The following PTGR2 variants were observed in gnomAD, a reference collection of about 807,000 sequenced individuals.
The protein encoded by PTGR2 is prostaglandin reductase 2, also known as 15-oxoprostaglandin 13-reductase.
In PTGR2, 32 loss-of-function variants were observed where a neutral mutation model predicts 43.4. The observed-to-expected ratio is 0.74, with a 90% CI of 0.56 to 0.99. The LOEUF (loss-of-function observed/expected upper bound fraction) is 0.99. PTGR2 is among the 50% of genes least tolerant of loss of function. PTGR2 has a pLI of 0.00. For missense variants in PTGR2, 373 were observed against 420.0 expected (o/e 0.89, Z 0.98); for synonymous variants, 106 against 139.2 (o/e 0.76, Z 1.68).
intron 3 of PTGR2, among the ~76,000 whole-genome samples, chr14:73,866,361 TCTC>T (rs140362370): frequency 0.033 from 4,962 of 151,982 alleles, 160 homozygotes; most frequent in African/African-American, 0.083. Flanking sequence ...ATGGTCTTGA[TCTC>T]CTAACCTTGT....
intron 3 of PTGR2, among the ~76,000 whole-genome samples, chr14:73,862,464 C>T (rs1347141488): frequency 6.6e-6 from 1 of 152,142 alleles, no homozygotes; most frequent in Non-Finnish European, 1.5e-5. Context: ...GCCTCGGCCT[C>T]CCAAAGTGCT....
intron 3 of PTGR2, among the ~76,000 whole-genome samples, chr14:73,870,007 A>G (rs2054689208): frequency 9.0e-6 from 1 of 111,706 alleles, no homozygotes. Flanking sequence ...CTCCAGCTTG[A>G]GTGACAGAGA....
At chr14:73,866,262 C>T (rs912252452) in intron 3 of PTGR2, among the ~76,000 whole-genome samples, 8 of 152,204 alleles carry the variant, frequency 5.3e-5, no homozygotes, top group East Asian at 1.9e-4. Context: ...CCTCGGCCTC[C>T]GAAAGTGCTG....
chr14:73,870,247 T>C (rs1968104), intron 3 of PTGR2, among the ~76,000 whole-genome samples: 94,264 of 148,760 alleles, frequency 0.63, 30,261 homozygotes, highest in South Asian at 0.72. Context: ...GGCACAATCT[T>C]GGCTTACTGC....
At chr14:73,852,898 T>C (rs960281654) in intron 1 of PTGR2, among the ~76,000 whole-genome samples, 2 of 152,204 alleles carry the variant, frequency 1.3e-5, no homozygotes, top group South Asian at 2.1e-4. Context: ...GGATCTCGGC[T>C]CACTGCAGCC....
chr14:73,855,949 G>C (rs1157427657), intron 1 of PTGR2, among the ~76,000 whole-genome samples: 1 of 151,170 alleles, frequency 6.6e-6, no homozygotes, highest in Non-Finnish European at 1.5e-5. Flanking sequence ...CCAGCTACTT[G>C]GGAGGCTGAG....
chr14:73,862,023 G>A (rs917867130), intron 3 of PTGR2, among the ~76,000 whole-genome samples: 1 of 150,962 alleles, frequency 6.6e-6, no homozygotes, highest in South Asian at 2.1e-4. Context: ...GATTGCAGTC[G>A]TACACCACCA....
At position 73,874,537 on chromosome 14, in the gene PTGR2, G is replaced by T. The variant is rs920893306; in HGVS notation, c.348+323G>T. The T allele has an allele frequency of 6.3e-6, 3 of 472,558 alleles. No homozygotes were observed. In the Admixed American group the frequency reaches 7.0e-5, roughly 11 times the overall value. The allele number at this position is 472,558 out of a possible 1,614,324, so 29.3% of individuals were successfully genotyped here. The stretch of plus-strand genomic sequence containing the variant: ...GGAGACTCAAAGGAGGGACCAGATG[G>T]TTGAAGGTGTTCTTTATTTGTTTCT... On this transcript the variant is annotated intron_variant, in intron 4 of 9. Coordinates refer to ENST00000555661, the MANE Select transcript of PTGR2 (RefSeq NM_001146154.2).
chr14:73,867,088 C>CAAAAAAAAAAAAA (rs200945001), intron 3 of PTGR2, among the ~76,000 whole-genome samples: 1 of 100,092 alleles, frequency 1.0e-5, no homozygotes, highest in Non-Finnish European at 1.9e-5. Context: ...GACTCTGTCT[C>CAAAAAAAAAAAAA]AAAAAAAAAA....
At chr14:73,883,187 CCTTTTT>C (rs2055039101) in intron 9 of PTGR2, among the ~76,000 whole-genome samples, 1 of 84,356 alleles carries the variant, frequency 1.2e-5, no homozygotes, top group South Asian at 6.0e-4. Context: ...CCCTCACCTC[CCTTTTT>C]TTTTTTTTTT....
chr14:73,881,650 C>A (rs2054989913), intron 8 of PTGR2, among the ~76,000 whole-genome samples: 1 of 152,136 alleles, frequency 6.6e-6, no homozygotes, highest in Non-Finnish European at 1.5e-5. Flanking sequence ...TGAGCACCTC[C>A]TGATGCTTAT....
intron 1 of PTGR2, among the ~76,000 whole-genome samples, chr14:73,854,493 A>G (rs1195611149): frequency 6.6e-6 from 1 of 152,216 alleles, no homozygotes; most frequent in Non-Finnish European, 1.5e-5. Flanking sequence ...TGACACTTGA[A>G]AAGTTTCTAA....
intron 1 of PTGR2, among the ~76,000 whole-genome samples, chr14:73,855,229 AGAT>A: frequency 6.6e-6 from 1 of 152,320 alleles, no homozygotes; most frequent in East Asian, 1.9e-4. Flanking sequence ...ACTAGGTATT[AGAT>A]GATGATAAGG....
At chr14:73,875,257 C>A (rs2054832077) in intron 4 of PTGR2, among the ~76,000 whole-genome samples, 1 of 152,140 alleles carries the variant, frequency 6.6e-6, no homozygotes, top group Non-Finnish European at 1.5e-5. Flanking sequence ...CTCAGCCCCA[C>A]AAAGTGCTGG....
chr14:73,854,763 T>C (rs957534432), intron 1 of PTGR2, among the ~76,000 whole-genome samples: 2 of 152,194 alleles, frequency 1.3e-5, no homozygotes, highest in Non-Finnish European at 2.9e-5. Flanking sequence ...TTGACACATA[T>C]GGTGATTCTG....
intron 3 of PTGR2, among the ~76,000 whole-genome samples, chr14:73,870,729 G>A (rs986456135): frequency 3.3e-5 from 5 of 152,034 alleles, no homozygotes; most frequent in Non-Finnish European, 5.9e-5. Flanking sequence ...GGCCTCAAGC[G>A]ATCCTCCTGC....
intron 2 of PTGR2, 24 bp from the exon 3 acceptor site, chr14:73,860,515 T>G: frequency 8.1e-7 from 1 of 1,239,854 alleles, no homozygotes; most frequent in Non-Finnish European, 1.2e-6. Context: ...TTTTTTAACT[T>G]TATATTTTTG....
chr14:73,875,756 C>G (rs1342471503), intron 4 of PTGR2, among the ~76,000 whole-genome samples: 1 of 148,714 alleles, frequency 6.7e-6, no homozygotes, highest in Admixed American at 6.7e-5. Context: ...TTTTTTTTCC[C>G]ATACTTGGGG....
chr14:73,877,102 T>C lies in PTGR2; in HGVS notation c.453T>C (p.Thr151=), dbSNP rs1223019838. ...LIGIQEKGHI[T]AGSNKTMVVS... is the part of the protein sequence containing the mutation. ...GGATACAGGAAAAAGGTCATATAAC[T>C]GCTGGATCTAATAAGACAATGGTTG... is the stretch of plus-strand genomic sequence containing the variant. The change falls in exon 5 of 10, where the codon ACT becomes ACC. Residue 151 remains threonine, a synonymous_variant. Transcript: ENST00000555661. The C allele has an allele frequency of 2.5e-6, 4 of 1,613,984 alleles. No individual in the cohort carries two copies. The highest frequency in any genetic ancestry group is 1.3e-5 in the African/African-American group (1 of 74,916).
Sources: allele counts gnomAD v4.1 joint callset (sites outside exome capture counted in the v4.1 genomes callset), GRCh38; gene constraint gnomAD v4.1.1; transcripts MANE v1.5; gene names NCBI Gene and HGNC (gene_info 2026-07-23, HGNC 2026-07-21).